The following VPS13A variants were observed in gnomAD, a reference collection of about 807,000 sequenced individuals.
VPS13A encodes intermembrane lipid transfer protein VPS13A.
In VPS13A, 264 loss-of-function variants were observed where a neutral mutation model predicts 390.9. The ratio of observed to expected loss-of-function variants is 0.68; its 90% CI spans 0.61 to 0.75. The LOEUF (loss-of-function observed/expected upper bound fraction) is 0.75. VPS13A is among the 30% of genes least tolerant of loss of function. The pLI, the probability that VPS13A is intolerant of heterozygous loss-of-function variation, is 0.00. For missense variants in VPS13A, 3,409 were observed against 3,733.9 expected (o/e 0.91, Z 2.27); for synonymous variants, 1,231 against 1,227.1 (o/e 1.00, Z -0.07).
In VPS13A at chr9:77,314,121, T is replaced by G; in HGVS notation, c.4242+2T>G. ...CTGTATAGTCCAGGTCCTAAACAGG[T>G]AAGTCCAGGAAGAAAAGAAAATGTA... On this transcript the variant is annotated splice_donor_variant, in intron 36 of 71. Coordinates refer to ENST00000360280, the MANE Select transcript of VPS13A (RefSeq NM_033305.3). LOFTEE classifies it high-confidence loss of function. 6.2e-7 allele frequency: 1 copy of G among 1,612,950 alleles called. No homozygotes were observed. The highest frequency in any genetic ancestry group is 1.1e-5 in the South Asian group (1 of 90,938).
chr9:77,341,746 T>A (rs1475942893), intron 50 of VPS13A, among the ~76,000 whole-genome samples: 1 of 145,918 alleles, frequency 6.9e-6, no homozygotes, highest in Non-Finnish European at 1.5e-5. Context: ...GAACTACTAT[T>A]TAAGTCTTCA....
intron 35 of VPS13A, among the ~76,000 whole-genome samples, chr9:77,308,327 G>A (rs1301302788): frequency 3.9e-5 from 6 of 151,960 alleles, no homozygotes; most frequent in African/African-American, 9.7e-5. Flanking sequence ...GTTATTAGTC[G>A]TTGTGTTGAT....
At chr9:77,190,097 T>A (rs1824583538) in intron 1 of VPS13A, among the ~76,000 whole-genome samples, 1 of 152,210 alleles carries the variant, frequency 6.6e-6, no homozygotes. Context: ...TATTTCTTTC[T>A]CTTTCCTGAT....
At position 77,314,585 on chromosome 9, in the gene VPS13A, G is replaced by A. The variant is rs773254839; in HGVS notation, c.4333G>A (p.Gly1445Ser). 3.2e-5 allele frequency: 51 copies of A among 1,610,478 alleles called. No homozygotes were observed. Among genetic ancestry groups the A allele is most frequent in the Middle Eastern group, 1.6e-4 (1 of 6,062 alleles). Residue 1445 changes from glycine (G) to serine (S), a missense_variant, in exon 37 of 72, where the codon GGC becomes AGC. Coordinates refer to ENST00000360280, the MANE Select transcript of VPS13A (RefSeq NM_033305.3). ...AAGTACTTTAAAAATGTATACAGATGGCTCAACATTTTCTTCCTTCTCATT... is the reference window on the plus strand; with the variant it reads ...AAGTACTTTAAAAATGTATACAGATAGCTCAACATTTTCTTCCTTCTCATT... ...IISTLKMYTD[G>S]STFSSFSLKN...
intron 26 of VPS13A, among the ~76,000 whole-genome samples, chr9:77,277,567 T>C (rs576704563): frequency 6.6e-6 from 1 of 152,336 alleles, no homozygotes; most frequent in East Asian, 1.9e-4. Flanking sequence ...AAATCCTCTG[T>C]GCTCCACCTA....
chr9:77,235,293 T>A (rs966059108), intron 17 of VPS13A, among the ~76,000 whole-genome samples: 2 of 152,222 alleles, frequency 1.3e-5, no homozygotes, highest in African/African-American at 4.8e-5. Flanking sequence ...TTCCTTCATT[T>A]TAGAAGGATA....
At chr9:77,409,639 C>G (rs927508610) in intron 71 of VPS13A, among the ~76,000 whole-genome samples, 1 of 151,330 alleles carries the variant, frequency 6.6e-6, no homozygotes, top group African/African-American at 2.4e-5. Flanking sequence ...GGCACGAGAA[C>G]TAAGTGACGA....
chr9:77,253,209 G>A (rs943859874), intron 22 of VPS13A, among the ~76,000 whole-genome samples: 1 of 152,126 alleles, frequency 6.6e-6, no homozygotes, highest in African/African-American at 2.4e-5. Context: ...AATGCTTAGT[G>A]ATGTTGAACA....
chr9:77,301,999 C>T (rs1356031011), intron 33 of VPS13A, among the ~76,000 whole-genome samples: 1 of 151,360 alleles, frequency 6.6e-6, no homozygotes, highest in Non-Finnish European at 1.5e-5. Flanking sequence ...CTCTTGTTGC[C>T]CAGGCTGGAG....
At chr9:77,313,805 A>G (rs1264502426) in intron 35 of VPS13A, among the ~76,000 whole-genome samples, 187 bp from the exon 36 acceptor site, 2 of 152,174 alleles carry the variant, frequency 1.3e-5, no homozygotes, top group African/African-American at 4.8e-5. Flanking sequence ...ATATTCCCAA[A>G]TTATTATGGA....
intron 68 of VPS13A, among the ~76,000 whole-genome samples, chr9:77,400,715 C>T (rs1040278603): frequency 6.6e-6 from 1 of 150,936 alleles, no homozygotes; most frequent in African/African-American, 2.4e-5. Flanking sequence ...GTAGTCCCAG[C>T]TACTTGGGAG....
At position 77,283,648 on chromosome 9, in the gene VPS13A, A is replaced by T. The variant is rs1287559990; in HGVS notation, c.3337A>T (p.Lys1113Ter). ...LDSDITAIYK[K>*]AVYITGKEVF... The stretch of plus-strand genomic sequence containing the variant: ...TTCTGATATAACAGCTATATACAAA[A>T]AGGTAAGAATTCTTTTAATTAAATA... The change falls in exon 31 of 72, where the codon AAG (lysine) becomes TAG (stop). Residue 1113 changes from lysine (K) to a stop codon, truncating the protein, a stop_gained and splice_region_variant. Transcript: ENST00000360280. LOFTEE classifies it high-confidence loss of function. 1 of 1,595,778 alleles carries T rather than the reference A, an allele frequency of 6.3e-7. No individual in the cohort carries two copies. Among genetic ancestry groups the T allele is most frequent in the Admixed American group, 1.7e-5 (1 of 59,700 alleles).
intron 22 of VPS13A, among the ~76,000 whole-genome samples, chr9:77,258,478 A>G (rs1825577290): frequency 6.6e-6 from 1 of 152,148 alleles, no homozygotes; most frequent in South Asian, 2.1e-4. Flanking sequence ...CTACTAACAA[A>G]TATTGTCCAG....
intron 31 of VPS13A, among the ~76,000 whole-genome samples, chr9:77,284,600 A>G (rs894290618): frequency 6.6e-6 from 1 of 152,188 alleles, no homozygotes; most frequent in Non-Finnish European, 1.5e-5. Flanking sequence ...TATTTTCCCT[A>G]TCTAGAAAGT....
intron 37 of VPS13A, 58 bp downstream of exon 37, chr9:77,314,722 A>G: frequency 4.5e-6 from 7 of 1,540,700 alleles, no homozygotes; most frequent in Admixed American, 1.7e-5. Flanking sequence ...TATATTTTAC[A>G]GAATTCATCT....
At chr9:77,245,488 C>A (rs1191722300) in intron 19 of VPS13A, among the ~76,000 whole-genome samples, 1 of 152,178 alleles carries the variant, frequency 6.6e-6, no homozygotes, top group Non-Finnish European at 1.5e-5. Flanking sequence ...TGAGTCAATT[C>A]TGCTCTTAAG....
chr9:77,265,979 C>T (rs1826015844), intron 23 of VPS13A, among the ~76,000 whole-genome samples: 1 of 152,112 alleles, frequency 6.6e-6, no homozygotes, highest in Non-Finnish European at 1.5e-5. Context: ...AGCTGTGTCC[C>T]AGAGATTCTG....
chr9:77,323,751 C>T (rs1258810300), intron 45 of VPS13A, among the ~76,000 whole-genome samples: 1 of 152,114 alleles, frequency 6.6e-6, no homozygotes, highest in East Asian at 1.9e-4. Context: ...CCTCATTGTA[C>T]ATTAGTTATA....
At chr9:77,358,970 G>A (rs998709079) in intron 57 of VPS13A, among the ~76,000 whole-genome samples, 5 of 151,954 alleles carry the variant, frequency 3.3e-5, no homozygotes, top group African/African-American at 1.2e-4. Flanking sequence ...CTATCCTGGG[G>A]GGAGTACTCT....
Sources: allele counts gnomAD v4.1 joint callset (sites outside exome capture counted in the v4.1 genomes callset), GRCh38; gene constraint gnomAD v4.1.1; transcripts MANE v1.5; gene names NCBI Gene and HGNC (gene_info 2026-07-23, HGNC 2026-07-21).